The following MARCHF1 variants were observed in gnomAD, a reference collection of about 807,000 sequenced individuals.
MARCHF1 encodes membrane associated ring-CH-type finger 1, also known as E3 ubiquitin-protein ligase MARCHF1.
Under a neutral mutation model 54.2 loss-of-function variants are expected in MARCHF1, and 40 were observed. The ratio of observed to expected loss-of-function variants is 0.74; its 90% CI spans 0.57 to 0.96. The LOEUF (loss-of-function observed/expected upper bound fraction) is 0.96, where lower values mean the gene tolerates loss of function less well. Among genes scored for constraint, MARCHF1 ranks in the 40% least tolerant of loss-of-function variants. The pLI is 0.00. For missense variants in MARCHF1, 586 were observed against 656.5 expected, an observed-to-expected ratio of 0.89 and a Z score of 1.17; for synonymous variants, 236 against 236.3, an observed-to-expected ratio of 1.00 and a Z score of 0.01.
At chr4:164,187,272 C>T (rs200881218) in intron 1 of MARCHF1, among the ~76,000 whole-genome samples, 18 of 152,018 alleles carry the variant, frequency 1.2e-4, no homozygotes, top group Non-Finnish European at 2.1e-4. Context: ...GGTCTGCCCC[C>T]CTCCTGGAGA....
chr4:164,079,830 CAT>C (rs1412610528), intron 2 of MARCHF1, among the ~76,000 whole-genome samples: 2 of 152,030 alleles, frequency 1.3e-5, no homozygotes, highest in African/African-American at 4.8e-5. Flanking sequence ...TTTTAAGTAG[CAT>C]AGTTTTCTGT....
At position 163,986,246 on chromosome 4, in the gene MARCHF1, CTTCTTTTTTTTTTTTTTTTTTT is replaced by C. The variant is rs1441721748; in HGVS notation, c.-39+2233_-39+2254del. 3.1e-3 allele frequency among the ~76,000 whole-genome samples: 231 copies of C among 73,774 alleles called. 3 individuals carry two copies. The highest frequency in any genetic ancestry group is 5.3e-3 in the Non-Finnish European group (193 of 36,396). 48.4% of individuals were successfully genotyped at this position (73,774 alleles called of 152,430 possible). ...CCTTTCCTTTTCTCCTAATTAACCT[CTTCTTTTTTTTTTTTTTTTTTT>C]TTTTTTTTTTTTGAGATGGAGTGTC... is the stretch of plus-strand genomic sequence containing the variant. On this transcript the variant is annotated intron_variant, in intron 3 of 9. Coordinates refer to ENST00000514618, the MANE Select transcript of MARCHF1 (RefSeq NM_001394959.1).
chr4:163,604,978 C>A (rs145247658), intron 7 of MARCHF1, among the ~76,000 whole-genome samples: 243 of 152,150 alleles, frequency 1.6e-3, no homozygotes, highest in African/African-American at 5.6e-3. Flanking sequence ...CTTGTCTTAG[C>A]AACTGAAATA....
intron 5 of MARCHF1, among the ~76,000 whole-genome samples, chr4:163,634,099 C>T (rs1012679950): frequency 1.5e-4 from 23 of 152,104 alleles, no homozygotes; most frequent in African/African-American, 4.6e-4. Flanking sequence ...GAAGGAAGCA[C>T]TAAACATGGA....
intron 1 of MARCHF1, among the ~76,000 whole-genome samples, chr4:164,223,937 C>A (rs758193513): frequency 2.7e-5 from 4 of 148,082 alleles, no homozygotes; most frequent in Non-Finnish European, 6.0e-5. Context: ...TTATTTATAT[C>A]CAGGGCACCA....
intron 4 of MARCHF1, among the ~76,000 whole-genome samples, chr4:163,752,698 A>T (rs138465829): frequency 6.6e-6 from 1 of 152,214 alleles, no homozygotes; most frequent in South Asian, 2.1e-4. Flanking sequence ...AAAATTGGCA[A>T]AATAGTCTAA....
chr4:163,724,853 G>GTTTT (rs113576322), intron 4 of MARCHF1, among the ~76,000 whole-genome samples: 2,462 of 152,254 alleles, frequency 0.016, 70 homozygotes, highest in African/African-American at 0.057. Flanking sequence ...TAAGACCATT[G>GTTTT]GAAAAGCGCA....
intron 5 of MARCHF1, among the ~76,000 whole-genome samples, chr4:163,700,043 T>C (rs990182782): frequency 3.3e-5 from 5 of 151,942 alleles, no homozygotes; most frequent in African/African-American, 1.2e-4. Flanking sequence ...TTTCTAAAAC[T>C]TGCCTTGGTG....
intron 2 of MARCHF1, among the ~76,000 whole-genome samples, chr4:164,007,345 C>CAAAAAAAAA (rs56306052): frequency 8.6e-5 from 7 of 81,760 alleles, no homozygotes; most frequent in East Asian, 4.9e-4. Context: ...GACTCCATCT[C>CAAAAAAAAA]AAAAAAAAAA....
chr4:163,882,212 T>C (rs1228421453), intron 3 of MARCHF1, among the ~76,000 whole-genome samples: 1 of 152,232 alleles, frequency 6.6e-6, no homozygotes. Context: ...GCATTTGTCA[T>C]AGAAATAAAC....
Position 164,142,337 on chromosome 4 carries a change from G to T in MARCHF1, c.-322-30675C>A, listed in dbSNP as rs564310316. On this transcript the variant is annotated intron_variant, in intron 1 of 9. Transcript: ENST00000514618. ...AGCCCACCACAGCTCAAGGAGGCCT[G>T]CCTGCCTCTGTAGGCTCCACCTCTG... Among the ~76,000 whole-genome samples the T allele has an allele frequency of 5.1e-4, 78 of 152,276 alleles. 2 individuals are homozygous for T. In the South Asian group the frequency reaches 0.011, roughly 21 times the overall value.
At position 164,002,132 on chromosome 4, in the gene MARCHF1, G is replaced by A. The variant is rs1214187041; in HGVS notation, c.-247-13423C>T. ...TACCAAAACAACTTACACTTTATAA[G>A]GAAAGATAACAAAATCCAGATTCTC... On this transcript the variant is annotated intron_variant, in intron 2 of 9. Transcript: ENST00000514618. Among the ~76,000 whole-genome samples the A allele has an allele frequency of 8.6e-5, 13 of 151,558 alleles. No individual in the cohort carries two copies. In the East Asian group the frequency reaches 2.3e-3, roughly 27 times the overall value.
In MARCHF1 at chr4:164,102,896, C is replaced by A. The variant is rs967876020; in HGVS notation, c.-248+8692G>T. 3.2e-5 allele frequency among the ~76,000 whole-genome samples: 3 copies of A among 94,128 alleles called. 1 individual carries two copies. The highest frequency in any genetic ancestry group is 6.7e-5 in the Non-Finnish European group (3 of 45,064). 61.8% of individuals were successfully genotyped at this position (94,128 alleles called of 152,430 possible). On this transcript the variant is annotated intron_variant, in intron 2 of 9. Transcript: ENST00000514618. ...TCTCACGTGCGGAGACACACGTAGGCTCAAAATAAAAGGATGGAGGAAGAT... is the reference window on the plus strand; with the variant it reads ...TCTCACGTGCGGAGACACACGTAGGATCAAAATAAAAGGATGGAGGAAGAT...
chr4:163,555,334 C>T (rs1173644694), intron 8 of MARCHF1, among the ~76,000 whole-genome samples: 1 of 152,096 alleles, frequency 6.6e-6, no homozygotes, highest in Non-Finnish European at 1.5e-5. Flanking sequence ...AGGAAAAGTT[C>T]AGGGACATAT....
At chr4:163,700,045 G>A (rs915910598) in intron 5 of MARCHF1, among the ~76,000 whole-genome samples, 1 of 150,886 alleles carries the variant, frequency 6.6e-6, no homozygotes, top group Non-Finnish European at 1.5e-5. Flanking sequence ...TCTAAAACTT[G>A]CCTTGGTGAC....
At chr4:163,755,612 C>T (rs1246492216) in intron 4 of MARCHF1, among the ~76,000 whole-genome samples, 1 of 140,926 alleles carries the variant, frequency 7.1e-6, no homozygotes, top group Non-Finnish European at 1.5e-5. Flanking sequence ...AACCAAAGGG[C>T]AAAGATCCCT....
At chr4:164,052,822 C>T (rs1023677750) in intron 2 of MARCHF1, among the ~76,000 whole-genome samples, 3 of 152,034 alleles carry the variant, frequency 2.0e-5, no homozygotes, top group Non-Finnish European at 4.4e-5. Flanking sequence ...TGATACTAAT[C>T]ATGGCTAAAA....
intron 1 of MARCHF1, among the ~76,000 whole-genome samples, chr4:164,167,220 G>A (rs1417684970): frequency 1.3e-5 from 2 of 151,802 alleles, no homozygotes; most frequent in African/African-American, 2.4e-5. Flanking sequence ...CAAACAGTCT[G>A]TTAGGGTTGC....
intron 2 of MARCHF1, among the ~76,000 whole-genome samples, chr4:164,002,225 T>C (rs1269840959): frequency 6.6e-6 from 1 of 150,996 alleles, no homozygotes; most frequent in Non-Finnish European, 1.5e-5. Context: ...AAGAAGAAAA[T>C]GTAATTCTGA....
Sources: allele counts gnomAD v4.1 joint callset (sites outside exome capture counted in the v4.1 genomes callset), GRCh38; gene constraint gnomAD v4.1.1; transcripts MANE v1.5; gene names NCBI Gene and HGNC (gene_info 2026-07-23, HGNC 2026-07-21).